The following RGPD1 variants were observed in gnomAD, a reference collection of about 807,000 sequenced individuals.
RGPD1 encodes the protein RANBP2-like and GRIP domain-containing protein 1.
In RGPD1, 7 loss-of-function variants were observed where a neutral mutation model predicts 40.6. That is an observed-to-expected ratio of 0.17 (90% CI 0.10 to 0.32). The LOEUF (loss-of-function observed/expected upper bound fraction) is 0.32. RGPD1 is among the 10% of genes least tolerant of loss of function. RGPD1 has a pLI of 1.00. For missense variants in RGPD1, 50 were observed against 472.5 expected (o/e 0.11, Z 8.29); for synonymous variants, 24 against 167.0 (o/e 0.14, Z 6.60).
intron 1 of RGPD1, among the ~76,000 whole-genome samples, chr2:86,914,225 TCGGCCTGGCCGGGCGGCGGCGGCGGCGG>T (rs1677621575): frequency 1.7e-5 from 1 of 59,524 alleles, no homozygotes; most frequent in Non-Finnish European, 3.4e-5. Flanking sequence ...GGCGGCGGCC[TCGGCCTGGCCGGGCGGCGGCGGCGGCGG>T]CGGCCTCGGC....
chr2:86,929,849 G>A (rs1264674083), intron 1 of RGPD1, among the ~76,000 whole-genome samples: 1 of 144,550 alleles, frequency 6.9e-6, no homozygotes, highest in African/African-American at 2.5e-5. Context: ...AGGTAGGCAG[G>A]GAGGGGCCAA....
intron 1 of RGPD1, among the ~76,000 whole-genome samples, chr2:86,943,292 C>T (rs1234444190): frequency 7.8e-6 from 1 of 128,380 alleles, no homozygotes; most frequent in African/African-American, 2.9e-5. Flanking sequence ...CCACCCCGCC[C>T]AGAACACTTT....
rs1243374849 is a variant in RGPD1, at chr2:86,914,236, G to GGGCGGC, written c.72+331_72+336dup. Among the ~76,000 whole-genome samples, 18 of 82,328 alleles carry GGGCGGC rather than the reference G, an allele frequency of 2.2e-4. 2 individuals are homozygous for GGGCGGC. Among genetic ancestry groups the GGGCGGC allele is most frequent in the African/African-American group, 9.5e-4 (18 of 18,984 alleles). The allele number at this position is 82,328 out of a possible 152,430, so 54.0% of individuals were successfully genotyped here. A position where few individuals can be genotyped will look rare whatever the true frequency, so the allele number is the denominator to read the frequency against. Reference sequence around the variant, plus strand: ...CGGCGGCGGCGGCCTCGGCCTGGCCGGGCGGCGGCGGCGGCGGCGGCCTCG... The same window carrying GGGCGGC: ...CGGCGGCGGCGGCCTCGGCCTGGCCGGGCGGCGGCGGCGGCGGCGGCGGCGGCCTCG... On this transcript the variant is annotated intron_variant, in intron 1 of 22. Coordinates refer to the RGPD1 transcript ENST00000398193.
intron 6 of RGPD1, among the ~76,000 whole-genome samples, chr2:86,960,586 G>A (rs1313058676): frequency 1.5e-5 from 2 of 129,838 alleles, no homozygotes; most frequent in Non-Finnish European, 3.2e-5. Context: ...GGCCAGGATG[G>A]TCTCGATCTT....
At chr2:86,926,695 A>C (rs1406471382) in intron 1 of RGPD1, among the ~76,000 whole-genome samples, 1 of 151,846 alleles carries the variant, frequency 6.6e-6, no homozygotes, top group African/African-American at 2.4e-5. Flanking sequence ...TATACTTTTC[A>C]TTTGCAACAG....
chr2:86,924,920 T>A (rs1678361552), intron 1 of RGPD1, among the ~76,000 whole-genome samples: 1 of 150,362 alleles, frequency 6.7e-6, no homozygotes, highest in East Asian at 2.0e-4. Context: ...GAGACCAGCC[T>A]GGGCAACATA....
intron 1 of RGPD1, among the ~76,000 whole-genome samples, chr2:86,923,410 A>G (rs1201567185): frequency 2.6e-5 from 4 of 151,674 alleles, no homozygotes; most frequent in Non-Finnish European, 4.4e-5. Flanking sequence ...AAAATGAAAT[A>G]CATCTTGAGT....
At chr2:86,951,188 GA>G in intron 1 of RGPD1, 107 bp from the exon 2 acceptor site, 1 of 266,216 alleles carries the variant, frequency 3.8e-6, no homozygotes, top group Non-Finnish European at 6.1e-6. Flanking sequence ...TTAAGTGAAT[GA>G]AAATGGCATA....
chr2:86,941,803 C>T (rs1279231647), upstream of RGPD1, among the ~76,000 whole-genome samples: 2 of 150,406 alleles, frequency 1.3e-5, no homozygotes, highest in African/African-American at 4.9e-5. Flanking sequence ...CCTCGCCTCT[C>T]AGTTTCAAGC....
chr2:86,914,069 C>T lies in RGPD1; in HGVS notation c.72+148C>T, dbSNP rs1161400233. 4 of 57,952 alleles carry T rather than the reference C, an allele frequency of 6.9e-5. 1 individual carries two copies. Among genetic ancestry groups the T allele is most frequent in the Non-Finnish European group, 1.3e-4 (4 of 29,846 alleles). 3.6% of individuals were successfully genotyped at this position (57,952 alleles called of 1,614,324 possible). ...GCGGCGGCGGCGGCCTCGGCCTCGG[C>T]CCCGGCCTGGCCGGGCGGCGGCGGC... On this transcript the variant is annotated intron_variant, in intron 1 of 22. Transcript: ENST00000398193.
In RGPD1 at chr2:86,987,037, TATG is replaced by T; in HGVS notation, c.4141_4143del (p.Asp1381del). On this transcript the variant is annotated inframe_deletion, in exon 20 of 23. Transcript: ENST00000641458. Reference sequence around the variant, plus strand: ...TGGTGATATAAAGATTTTACAGAATTATGATAATAAGCAAGTTCGTATAGTGAT... The same window carrying T: ...TGGTGATATAAAGATTTTACAGAATTATAATAAGCAAGTTCGTATAGTGAT... 6.4e-7 allele frequency: 1 copy of T among 1,564,128 alleles called. No individual in the cohort carries two copies. The highest frequency in any genetic ancestry group is 1.1e-5 in the South Asian group (1 of 90,014).
chr2:86,942,494 G>GCGGCCTCGACCTGGCCGGGCGGCGGCCT (rs1679909167), intron 1 of RGPD1, among the ~76,000 whole-genome samples, 186 bp downstream of exon 1: 4 of 128,152 alleles, frequency 3.1e-5, no homozygotes, highest in African/African-American at 5.9e-5. Context: ...GGCGGCGGCG[G>GCGGCCTCGACCTGGCCGGGCGGCGGCCT]CGGCCTCGAC....
At chr2:86,960,955 T>C (rs1413708751) in intron 6 of RGPD1, among the ~76,000 whole-genome samples, 1 of 17,620 alleles carries the variant, frequency 5.7e-5, no homozygotes, top group African/African-American at 7.4e-4. Flanking sequence ...GGTCTCAATC[T>C]CTTGACGTCG....
intron 1 of RGPD1, among the ~76,000 whole-genome samples, chr2:86,942,694 T>C (rs369839778): frequency 4.2e-3 from 441 of 105,978 alleles, no homozygotes; most frequent in Middle Eastern, 0.013. Context: ...CGGGCGGCGG[T>C]GGCCTCGACG....
intron 1 of RGPD1, among the ~76,000 whole-genome samples, chr2:86,918,427 A>C (rs562512127): frequency 8.2e-6 from 1 of 122,446 alleles, no homozygotes; most frequent in Non-Finnish European, 1.7e-5. Flanking sequence ...GTACCATTCT[A>C]TATGTTTTAG....
At position 86,930,815 on chromosome 2, in the gene RGPD1, G is replaced by T. The variant is rs1334601501; in HGVS notation, c.72+16894G>T. 1.0e-5 allele frequency: 9 copies of T among 874,612 alleles called. No homozygotes were observed. In the East Asian group the frequency reaches 2.2e-4, roughly 22 times the overall value. The allele number at this position is 874,612 out of a possible 1,614,324, so 54.2% of individuals were successfully genotyped here. ...CTCTACCGCCAGCCGCCCCGCCCCT[G>T]CCACCTCTGCTGCCACTGCCATGGT... On this transcript the variant is annotated intron_variant, in intron 1 of 22. Transcript: ENST00000398193.
At chr2:86,941,835 C>G (rs1169537575), upstream of RGPD1, among the ~76,000 whole-genome samples, 11 of 151,204 alleles carry the variant, frequency 7.3e-5, no homozygotes. Context: ...CTCAGCCTCC[C>G]GAGTAGCTGG....
intron 1 of RGPD1, among the ~76,000 whole-genome samples, chr2:86,944,135 G>A (rs1680151873): frequency 6.6e-6 from 1 of 152,160 alleles, no homozygotes; most frequent in Non-Finnish European, 1.5e-5. Context: ...CAGCAACCCT[G>A]TGGATATTGA....
At chr2:86,920,163 A>G (rs1393437711) in intron 1 of RGPD1, among the ~76,000 whole-genome samples, 2 of 151,800 alleles carry the variant, frequency 1.3e-5, no homozygotes, top group Non-Finnish European at 2.9e-5. Context: ...TCTGCCTCCT[A>G]AGTTGAAGCG....
Sources: allele counts gnomAD v4.1 joint callset (sites outside exome capture counted in the v4.1 genomes callset), GRCh38; gene constraint gnomAD v4.1.1; transcripts MANE v1.5; gene names NCBI Gene and HGNC (gene_info 2026-07-23, HGNC 2026-07-21).